Variants in KIAA1217 observed in about 807,000 individuals in gnomAD.
The protein encoded by KIAA1217 is sickle tail protein homolog.
Under a neutral mutation model 163.9 loss-of-function variants are expected in KIAA1217, and 88 were observed. That is an observed-to-expected ratio of 0.54 (90% CI 0.45 to 0.64). The LOEUF (loss-of-function observed/expected upper bound fraction) is 0.64. KIAA1217 is among the 30% of genes least tolerant of loss of function. The pLI, the probability that KIAA1217 is intolerant of heterozygous loss-of-function variation, is 0.00. For missense variants in KIAA1217, 2,372 were observed against 2,475.0 expected, an observed-to-expected ratio of 0.96 and a Z score of 0.88; for synonymous variants, 903 against 923.1, an observed-to-expected ratio of 0.98 and a Z score of 0.39.
rs567835329 is a variant in KIAA1217 at position 23,892,812 on chromosome 10, C to G, written c.-320-114413C>G. Among the ~76,000 whole-genome samples the G allele has an allele frequency of 2.0e-5, 3 of 151,678 alleles. No homozygotes were observed. In the South Asian group the frequency reaches 6.2e-4, roughly 32 times the overall value. On this transcript the variant is annotated intron_variant, in intron 1 of 18. Coordinates refer to the KIAA1217 transcript ENST00000376462. ...TGATAGAACTGGAACAAAAATAAACCCACAGCTTAAAATAAGTAATGCCAT... is the reference window on the plus strand; with the variant it reads ...TGATAGAACTGGAACAAAAATAAACGCACAGCTTAAAATAAGTAATGCCAT...
At chr10:23,976,382 A>T (rs1388032209) in intron 1 of KIAA1217, among the ~76,000 whole-genome samples, 1 of 152,188 alleles carries the variant, frequency 6.6e-6, no homozygotes, top group Non-Finnish European at 1.5e-5. Flanking sequence ...ATTCTCAAAT[A>T]AACTGCAACT....
intron 2 of KIAA1217, among the ~76,000 whole-genome samples, chr10:24,301,377 C>T (rs2041311572): frequency 6.6e-6 from 1 of 152,198 alleles, no homozygotes; most frequent in Non-Finnish European, 1.5e-5. Flanking sequence ...TTTTTCTTCT[C>T]TTTTCAAATA....
At chr10:23,737,818 A>C (rs1386790944) in intron 1 of KIAA1217, among the ~76,000 whole-genome samples, 1 of 151,580 alleles carries the variant, frequency 6.6e-6, no homozygotes, top group African/African-American at 2.4e-5. Flanking sequence ...ATTGACAGTT[A>C]TTTTCTACTA....
intron 8 of KIAA1217, among the ~76,000 whole-genome samples, chr10:24,499,568 A>G (rs1384578532): frequency 1.3e-5 from 2 of 152,144 alleles, no homozygotes; most frequent in African/African-American, 4.8e-5. Flanking sequence ...CCTCGTCTCT[A>G]CTAAAAATAC....
At chr10:23,734,958 C>T (rs899577051) in intron 1 of KIAA1217, among the ~76,000 whole-genome samples, 22 of 152,102 alleles carry the variant, frequency 1.4e-4, no homozygotes, top group African/African-American at 5.3e-4. Flanking sequence ...CCTCCTCCCA[C>T]CCGCCACCCT....
intron 2 of KIAA1217, among the ~76,000 whole-genome samples, chr10:24,040,349 A>G (rs1848579159): frequency 6.6e-6 from 1 of 152,238 alleles, no homozygotes; most frequent in South Asian, 2.1e-4. Context: ...TTGACAGCCT[A>G]TAAAGTAGCC....
intron 2 of KIAA1217, among the ~76,000 whole-genome samples, chr10:24,099,763 C>A (rs1274749570): frequency 7.0e-6 from 1 of 142,482 alleles, no homozygotes; most frequent in Non-Finnish European, 1.5e-5. Context: ...CAACAGTCCC[C>A]GGTGTGTGAT....
chr10:24,015,149 G>A (rs1309683471), intron 2 of KIAA1217, among the ~76,000 whole-genome samples: 1 of 152,004 alleles, frequency 6.6e-6, no homozygotes, highest in African/African-American at 2.4e-5. Context: ...GAAATGTTGA[G>A]GACAACAATA....
intron 3 of KIAA1217, among the ~76,000 whole-genome samples, chr10:24,385,951 G>A (rs377517524): frequency 4.5e-4 from 68 of 152,276 alleles, no homozygotes; most frequent in African/African-American, 1.5e-3. Context: ...GACCATGGGC[G>A]GGGGTTGGTG....
chr10:23,937,514 A>G (rs1843582245), intron 1 of KIAA1217, among the ~76,000 whole-genome samples: 1 of 152,104 alleles, frequency 6.6e-6, no homozygotes, highest in East Asian at 1.9e-4. Flanking sequence ...AATTCTGTTC[A>G]CCAGAATCTG....
intron 1 of KIAA1217, among the ~76,000 whole-genome samples, chr10:23,769,353 A>T (rs992398683): frequency 6.6e-6 from 1 of 152,120 alleles, no homozygotes; most frequent in Non-Finnish European, 1.5e-5. Context: ...TCAGGCACTG[A>T]TCTTAGGCTT....
chr10:24,209,051 G>A (rs2067740190), upstream of KIAA1217: 4 of 648,650 alleles, frequency 6.2e-6, no homozygotes, highest in South Asian at 7.5e-5. Flanking sequence ...CTTTGCACCG[G>A]AGTGGAAAAT....
Position 24,501,379 on chromosome 10 carries a change from G to C in KIAA1217, c.1835G>C (p.Gly612Ala), listed in dbSNP as rs377471847. Residue 612 changes from glycine (G) to alanine (A), a missense_variant and splice_region_variant, in exon 9 of 21, where the codon GGA (glycine) becomes GCA (alanine). By Grantham distance (60) the Gly-to-Ala change is moderately conservative. This residue lies in a region of KIAA1217 where 1,431 missense variants were observed against 1,470.3 expected (regional missense o/e 0.97). Transcript: ENST00000376454. ...GTTCTCTGATGCACTTTTCTCATAG[G>C]AACGCCCCATGTGTCTGGTGGGAAG... ...TANRNHTDSA[G>A]TPHVSGGKML... 1.6e-5 allele frequency: 25 copies of C among 1,604,278 alleles called. No individual in the cohort carries two copies. The highest frequency in any genetic ancestry group is 1.9e-5 in the Non-Finnish European group (22 of 1,172,316).
chr10:24,327,653 AT>A (rs1330948755), intron 2 of KIAA1217, among the ~76,000 whole-genome samples: 1 of 151,902 alleles, frequency 6.6e-6, no homozygotes, highest in Non-Finnish European at 1.5e-5. Context: ...TAATTTTTGT[AT>A]TTTTGTAGAG....
chr10:24,428,637 A>C (rs1190923092), intron 3 of KIAA1217, among the ~76,000 whole-genome samples: 1 of 152,190 alleles, frequency 6.6e-6, no homozygotes, highest in Non-Finnish European at 1.5e-5. Flanking sequence ...TCATTCGTTT[A>C]TTCATTCAAC....
At chr10:24,078,909 T>TA (rs2061453110) in intron 2 of KIAA1217, among the ~76,000 whole-genome samples, 1 of 152,218 alleles carries the variant, frequency 6.6e-6, no homozygotes, top group Non-Finnish European at 1.5e-5. Flanking sequence ...AAGTGGTTCT[T>TA]ACAACCAAAG....
At chr10:24,402,114 C>T (rs1201392980) in intron 3 of KIAA1217, among the ~76,000 whole-genome samples, 1 of 152,170 alleles carries the variant, frequency 6.6e-6, no homozygotes, top group East Asian at 1.9e-4. Context: ...GATGTCACTG[C>T]TCTCCCAAAA....
At chr10:24,115,186 C>T (rs773977384) in intron 2 of KIAA1217, among the ~76,000 whole-genome samples, 8 of 152,220 alleles carry the variant, frequency 5.3e-5, no homozygotes, top group Non-Finnish European at 7.3e-5. Context: ...TGGCTCAGTG[C>T]TTTACCCCAA....
intron 1 of KIAA1217, among the ~76,000 whole-genome samples, chr10:23,981,673 A>G (rs1365527369): frequency 6.6e-6 from 1 of 152,198 alleles, no homozygotes; most frequent in Non-Finnish European, 1.5e-5. Flanking sequence ...CTGGAAATAT[A>G]TAACTTCCTT....
Sources: allele counts gnomAD v4.1 joint callset (sites outside exome capture counted in the v4.1 genomes callset), GRCh38; gene constraint gnomAD v4.1.1; regional missense constraint gnomAD v4.1.1; transcripts MANE v1.5; gene names NCBI Gene and HGNC (gene_info 2026-07-23, HGNC 2026-07-21).